EPHB3: variants seen among roughly 807,000 people sequenced by gnomAD.
EPHB3 encodes the protein EPH receptor B3.
EPHB3 carries 33 observed loss-of-function variants against 100.2 expected under a neutral mutation model. The observed-to-expected ratio is 0.33, with a 90% CI of 0.25 to 0.44. The LOEUF is 0.44. EPHB3 is among the 20% of genes least tolerant of loss of function. EPHB3 has a pLI of 1.00. For synonymous variants in EPHB3, 526 were observed against 554.7 expected (o/e 0.95, Z 0.73); for missense variants, 1,045 against 1,378.3 (o/e 0.76, Z 3.83).
At position 184,581,280 on chromosome 3, in the gene EPHB3, G is replaced by A. The variant is rs9881589; in HGVS notation, c.2760G>A (p.Thr920=). ...SGMSQPLLDR[T]VPDYTTFTTV... is the part of the protein sequence containing the mutation. ...TGTCACAGCCCCTCCTGGACCGCAC[G>A]GTCCCAGATTACACAACCTTCACGA... The change falls in exon 15 of 16, where the codon ACG becomes ACA. Residue 920 remains threonine, a synonymous_variant. Coordinates refer to ENST00000330394, the MANE Select transcript of EPHB3 (RefSeq NM_004443.4). 269,578 of 1,599,612 alleles carry A rather than the reference G, an allele frequency of 0.17. 23,721 individuals are homozygous for A. The highest frequency in any genetic ancestry group is 0.25 in the Middle Eastern group (1,490 of 5,992).
rs958247548 is a variant in EPHB3, at chr3:184,562,548, A to G, written c.118+195A>G. 9.2e-5 allele frequency among the ~76,000 whole-genome samples: 14 copies of G among 152,114 alleles called. No homozygotes were observed. The highest frequency in any genetic ancestry group is 3.4e-4 in the African/African-American group (14 of 41,508). On this transcript the variant is annotated intron_variant, in intron 1 of 15. Transcript: ENST00000330394. The surrounding 1 kb of genome is among the most constrained non-coding windows in gnomAD (Gnocchi z 4.8). ...CGGAGGCTGGAGCTGGCTCGGAGGC[A>G]GGCAGCCCGCGGGTTGGGGGGTCGC...
At position 184,573,368 on chromosome 3, in the gene EPHB3, T is replaced by G. The variant is rs1714590924; in HGVS notation, c.856+192T>G. Among the ~76,000 whole-genome samples the G allele has an allele frequency of 6.6e-6, 1 of 150,838 alleles. No homozygotes were observed. Among genetic ancestry groups the G allele is most frequent in the Non-Finnish European group, 1.5e-5 (1 of 67,776 alleles). ...GTAAGGAGGGAGAAGAGAGAGAAAA[T>G]GAGGAGAGACACAAGGATAGTAAGA... On this transcript the variant is annotated intron_variant, in intron 3 of 15. Coordinates refer to ENST00000330394, the MANE Select transcript of EPHB3 (RefSeq NM_004443.4). The surrounding 1 kb of genome is among the most constrained non-coding windows in gnomAD (Gnocchi z 4.5).
chr3:184,581,907 T>C lies in EPHB3; in HGVS notation c.*285T>C. The stretch of plus-strand genomic sequence containing the variant: ...TCTCCAGCAGGGGATCCCCACAACC[T>C]CACACTTGTCTGTTCTTCAGTGCTG... On this transcript the variant is annotated 3_prime_UTR_variant, in exon 16 of 16. Coordinates refer to ENST00000330394, the MANE Select transcript of EPHB3 (RefSeq NM_004443.4). The C allele has an allele frequency of 2.8e-6, 1 of 359,180 alleles. No individual in the cohort carries two copies. Among genetic ancestry groups the C allele is most frequent in the Non-Finnish European group, 5.0e-6 (1 of 199,490 alleles). 22.2% of individuals were successfully genotyped at this position (359,180 alleles called of 1,614,324 possible). A position where few individuals can be genotyped will look rare whatever the true frequency, so the allele number is the denominator to read the frequency against.
intron 4 of EPHB3, 90 bp downstream of exon 4, chr3:184,576,075 C>A: frequency 6.9e-7 from 1 of 1,458,268 alleles, no homozygotes; most frequent in South Asian, 1.4e-5. Flanking sequence ...ATGAATAGCC[C>A]CATTTTCCAG....
chr3:184,566,357 AGGG>A (rs1424879023), intron 1 of EPHB3, among the ~76,000 whole-genome samples: 2 of 152,188 alleles, frequency 1.3e-5, no homozygotes, highest in Non-Finnish European at 2.9e-5. Context: ...CCATGATCTG[AGGG>A]GAAGAATGAA....
chr3:184,570,283 GA>G (rs1714507150), intron 1 of EPHB3, among the ~76,000 whole-genome samples: 1 of 152,184 alleles, frequency 6.6e-6, no homozygotes, highest in Non-Finnish European at 1.5e-5. Context: ...CTCCTTTACA[GA>G]GGGGCATATT....
In EPHB3 at chr3:184,581,287, G is replaced by C; in HGVS notation, c.2767G>C (p.Asp923His). The change falls in exon 15 of 16, where the codon GAT becomes CAT. Residue 923 changes from aspartate to histidine, a missense_variant. Asp to His is a moderately conservative substitution (Grantham distance 81). This residue lies in a region of EPHB3 where 985 missense variants were observed against 1,331.1 expected (regional missense o/e 0.74). Coordinates refer to ENST00000330394, the MANE Select transcript of EPHB3 (RefSeq NM_004443.4). ...GCCCCTCCTGGACCGCACGGTCCCA[G>C]ATTACACAACCTTCACGACAGTTGG... ...SQPLLDRTVP[D>H]YTTFTTVGDW... The C allele has an allele frequency of 6.2e-7, 1 of 1,604,510 alleles. No homozygotes were observed. The highest frequency in any genetic ancestry group is 8.5e-7 in the Non-Finnish European group (1 of 1,174,800).
chr3:184,577,399 C>G lies in EPHB3; in HGVS notation c.1411C>G (p.Leu471Val), dbSNP rs1646814082. 1.2e-6 allele frequency: 2 copies of G among 1,613,880 alleles called. No homozygotes were observed. The highest frequency in any genetic ancestry group is 2.7e-5 in the African/African-American group (2 of 74,926). Residue 471 changes from leucine to valine, a missense_variant, in exon 6 of 16, where the codon CTA becomes GTA. Physicochemically the swap from Leu to Val is conservative, Grantham distance 32. Around this residue, in one of 2 missense-constraint regions of EPHB3, gnomAD observed 985 missense variants for 1,331.1 expected, o/e 0.74. Transcript: ENST00000330394. The surrounding 1 kb of genome is among the most constrained non-coding windows in gnomAD (Gnocchi z 4.9). ...LHSSSGSSLT[L>V]SWAPPERPNG... The stretch of plus-strand genomic sequence containing the variant: ...CAGCAGCTCAGGCAGCAGCCTCACC[C>G]TATCCTGGGCACCCCCAGAGCGGCC...
In EPHB3 at chr3:184,571,614, C is replaced by T. The variant is rs1479111770; in HGVS notation, c.183+232C>T. On this transcript the variant is annotated intron_variant, in intron 2 of 15. Coordinates refer to ENST00000330394, the MANE Select transcript of EPHB3 (RefSeq NM_004443.4). This position sits in a 1 kb window ranked among gnomAD's most constrained non-coding sequence, Gnocchi z 5.0. ...CTCTCACCCCTCTGCCTGCCTGTGC[C>T]CCCCAGCTCCCGCTCCCTCTCCCTC... Among the ~76,000 whole-genome samples the T allele has an allele frequency of 6.6e-6, 1 of 152,062 alleles. No homozygotes were observed. The highest frequency in any genetic ancestry group is 6.6e-5 in the Admixed American group (1 of 15,258).
chr3:184,581,116 C>T lies in EPHB3; in HGVS notation c.2683C>T (p.Leu895Phe), dbSNP rs760955586. 28 of 1,614,232 alleles carry T rather than the reference C, an allele frequency of 1.7e-5. No homozygotes were observed. The highest frequency in any genetic ancestry group is 2.3e-5 in the Non-Finnish European group (27 of 1,180,038). The change falls in exon 14 of 16, where the codon CTC (leucine) becomes TTC (phenylalanine). Residue 895 changes from leucine to phenylalanine, a missense_variant. Coordinates refer to ENST00000330394, the MANE Select transcript of EPHB3 (RefSeq NM_004443.4). ...FSQIVNTLDK[L>F]IRNAASLKVI... ...CCAGATTGTCAATACCCTGGACAAG[C>T]TCATCCGCAATGCTGCCAGCCTCAA...
chr3:184,579,525 C>T lies in EPHB3; in HGVS notation c.1850C>T (p.Pro617Leu). ...VYIDPFTYED[P>L]NEAVREFAKE... ...ATTGACCCTTTTACCTACGAGGACCCTAATGAGGCTGTTCGGGAGTTTGCC... is the reference window on the plus strand; with the variant it reads ...ATTGACCCTTTTACCTACGAGGACCTTAATGAGGCTGTTCGGGAGTTTGCC... The change falls in exon 10 of 16, where the codon CCT (proline) becomes CTT (leucine). Residue 617 changes from proline to leucine, a missense_variant. This residue lies in a region of EPHB3 where 985 missense variants were observed against 1,331.1 expected (regional missense o/e 0.74). Coordinates refer to ENST00000330394, the MANE Select transcript of EPHB3 (RefSeq NM_004443.4). This position sits in a 1 kb window ranked among gnomAD's most constrained non-coding sequence, Gnocchi z 5.2. The T allele has an allele frequency of 6.2e-7, 1 of 1,614,048 alleles. No homozygotes were observed.
intron 11 of EPHB3, 128 bp from the exon 12 acceptor site, chr3:184,580,274 C>T (rs752999991): frequency 1.6e-6 from 2 of 1,228,374 alleles, no homozygotes; most frequent in South Asian, 1.4e-5. Context: ...CACTTACCCT[C>T]AGGGCACTCT....
At position 184,580,152 on chromosome 3, in the gene EPHB3, C is replaced by T. The variant is rs545918100; in HGVS notation, c.2172+218C>T. 3.9e-5 allele frequency among the ~76,000 whole-genome samples: 6 copies of T among 152,318 alleles called. No individual in the cohort carries two copies. In the South Asian group the frequency reaches 1.2e-3, roughly 32 times the overall value. On this transcript the variant is annotated intron_variant, in intron 11 of 15. Transcript: ENST00000330394. The stretch of plus-strand genomic sequence containing the variant: ...TGACCTCAGGCAAGTGACTTAACCT[C>T]TTTGAGTCTCAGCTGCCTGGTTGTA...
chr3:184,581,292 CACAACCTTCACG>C lies in EPHB3; in HGVS notation c.2776_2787del (p.Thr926_Thr929del). 1 of 1,605,594 alleles carries C rather than the reference CACAACCTTCACG, an allele frequency of 6.2e-7. No homozygotes were observed. Among genetic ancestry groups the C allele is most frequent in the South Asian group, 1.1e-5 (1 of 89,228 alleles). ...TCCTGGACCGCACGGTCCCAGATTA[CACAACCTTCACG>C]ACAGTTGGTGATTGGCTGGATGCCA... On this transcript the variant is annotated inframe_deletion, in exon 15 of 16. Coordinates refer to ENST00000330394, the MANE Select transcript of EPHB3 (RefSeq NM_004443.4).
At chr3:184,566,300 C>T (rs570078119) in intron 1 of EPHB3, among the ~76,000 whole-genome samples, 226 of 152,358 alleles carry the variant, frequency 1.5e-3, no homozygotes, top group African/African-American at 5.2e-3. Context: ...CCGCCCTGGG[C>T]TTCTTTCCCC....
intron 1 of EPHB3, among the ~76,000 whole-genome samples, chr3:184,568,834 G>T (rs929254072): frequency 5.3e-5 from 8 of 152,218 alleles, no homozygotes; most frequent in Non-Finnish European, 1.0e-4. Flanking sequence ...GAAAAATGTG[G>T]CGAGATTGAG....
Position 184,579,778 on chromosome 3 carries a change from C to T in EPHB3, c.2016C>T (p.Thr672=), listed in dbSNP as rs1560063907. The T allele has an allele frequency of 5.0e-6, 8 of 1,613,736 alleles. No individual in the cohort carries two copies. Among genetic ancestry groups the T allele is most frequent in the Admixed American group, 1.7e-5 (1 of 59,956 alleles). ...TCAAGACGCTGAAGGTGGGCTACAC[C>T]GAGAGGCAGCGGCGGGACTTCCTAA... The part of the protein sequence containing the change: ...VAIKTLKVGY[T]ERQRRDFLSE... The change falls in exon 11 of 16, where the codon ACC becomes ACT. Residue 672 remains threonine, a synonymous_variant. Transcript: ENST00000330394. This position sits in a 1 kb window ranked among gnomAD's most constrained non-coding sequence, Gnocchi z 5.2.
Position 184,562,742 on chromosome 3 carries a change from T to C in EPHB3, c.118+389T>C, listed in dbSNP as rs937731085. On this transcript the variant is annotated intron_variant, in intron 1 of 15. Coordinates refer to ENST00000330394, the MANE Select transcript of EPHB3 (RefSeq NM_004443.4). This position sits in a 1 kb window ranked among gnomAD's most constrained non-coding sequence, Gnocchi z 4.8. ...GCGAGGGCCGCGGGGCTGTGGCGGG[T>C]GGGGGCGAAGCGGGACTCCCCGGGT... Among the ~76,000 whole-genome samples, 1 of 150,192 alleles carries C rather than the reference T, an allele frequency of 6.7e-6. No homozygotes were observed. The highest frequency in any genetic ancestry group is 2.1e-4 in the South Asian group (1 of 4,736).
chr3:184,579,704 T>A lies in EPHB3; in HGVS notation c.1942T>A (p.Cys648Ser). The A allele has an allele frequency of 6.2e-7, 1 of 1,611,458 alleles. No individual in the cohort carries two copies. Among genetic ancestry groups the A allele is most frequent in the Non-Finnish European group, 8.5e-7 (1 of 1,178,362 alleles). ...VIGAGEFGEV[C>S]RGRLKQPGRR... ...CCCTGCAGGGGAATTTGGGGAAGTG[T>A]GCCGTGGTCGACTGAAACAGCCTGG... The change falls in exon 11 of 16, where the codon TGC becomes AGC. Residue 648 changes from cysteine to serine, a missense_variant. Cys to Ser is a moderately radical substitution (Grantham distance 112). Around this residue, in one of 2 missense-constraint regions of EPHB3, gnomAD observed 985 missense variants for 1,331.1 expected, o/e 0.74. Coordinates refer to ENST00000330394, the MANE Select transcript of EPHB3 (RefSeq NM_004443.4). This position sits in a 1 kb window ranked among gnomAD's most constrained non-coding sequence, Gnocchi z 5.2.
Sources: allele counts gnomAD v4.1 joint callset (sites outside exome capture counted in the v4.1 genomes callset), GRCh38; gene constraint gnomAD v4.1.1; regional missense constraint gnomAD v4.1.1; non-coding constraint Gnocchi (gnomAD v3.1); transcripts MANE v1.5; gene names NCBI Gene and HGNC (gene_info 2026-07-23, HGNC 2026-07-21).